The following RAI14 variants were observed in gnomAD, a reference collection of about 807,000 sequenced individuals.
RAI14 encodes retinoic acid induced 14, also known as ankycorbin.
RAI14 carries 45 observed loss-of-function variants against 115.4 expected under a neutral mutation model. The ratio of observed to expected loss-of-function variants is 0.39; its 90% CI spans 0.31 to 0.50. The LOEUF (loss-of-function observed/expected upper bound fraction) is 0.50. Among genes scored for constraint, RAI14 ranks in the 20% least tolerant of loss-of-function variants. RAI14 has a pLI of 0.85. For missense variants in RAI14, 939 were observed against 1,131.2 expected, an observed-to-expected ratio of 0.83 and a Z score of 2.44; for synonymous variants, 371 against 415.4, an observed-to-expected ratio of 0.89 and a Z score of 1.30.
At chr5:34,681,474 T>G (rs144289750) in intron 1 of RAI14, among the ~76,000 whole-genome samples, 1 of 152,244 alleles carries the variant, frequency 6.6e-6, no homozygotes, top group African/African-American at 2.4e-5. Context: ...GTAGATGTAT[T>G]CCTATATTCC....
intron 2 of RAI14, among the ~76,000 whole-genome samples, chr5:34,713,409 C>T (rs1349414998): frequency 6.6e-6 from 1 of 152,122 alleles, no homozygotes; most frequent in Non-Finnish European, 1.5e-5. Context: ...TGGGCTGAAG[C>T]TATCCTCCTA....
At chr5:34,788,939 A>G (rs1396679065) in intron 3 of RAI14, among the ~76,000 whole-genome samples, 1 of 152,246 alleles carries the variant, frequency 6.6e-6, no homozygotes, top group African/African-American at 2.4e-5. Flanking sequence ...ACTATACTCT[A>G]GCCTGGGCGA....
intron 2 of RAI14, among the ~76,000 whole-genome samples, chr5:34,723,886 G>A (rs1743118297): frequency 6.6e-6 from 1 of 152,104 alleles, no homozygotes; most frequent in African/African-American, 2.4e-5. Context: ...ATTTACATAT[G>A]CTTCAAAATT....
At chr5:34,768,475 A>G (rs1749713977) in intron 3 of RAI14, among the ~76,000 whole-genome samples, 1 of 152,142 alleles carries the variant, frequency 6.6e-6, no homozygotes, top group South Asian at 2.1e-4. Context: ...GATGCTCTCA[A>G]TCACCCTGAA....
At chr5:34,787,399 T>C (rs1281814948) in intron 3 of RAI14, among the ~76,000 whole-genome samples, 1 of 152,174 alleles carries the variant, frequency 6.6e-6, no homozygotes, top group Admixed American at 6.5e-5. Context: ...TCCATACAAT[T>C]TATTATTAAG....
chr5:34,764,410 A>G (rs1457258953), intron 3 of RAI14, among the ~76,000 whole-genome samples: 1 of 151,390 alleles, frequency 6.6e-6, no homozygotes, highest in Non-Finnish European at 1.5e-5. Flanking sequence ...GTTTGTCCAA[A>G]CAGAACCACT....
In RAI14 at chr5:34,752,737, G is replaced by GTATATATA. The variant is rs1188674461; in HGVS notation, c.37-4730_37-4729insATATATAT. Reference sequence around the variant, plus strand: ...TGTGTGTGTGTGTGTGTGTGTGTGTGTGTGTGTGTGTGTATATATATATAT... The same window carrying GTATATATA: ...TGTGTGTGTGTGTGTGTGTGTGTGTGTATATATATGTGTGTGTGTGTATATATATATAT... On this transcript the variant is annotated intron_variant, in intron 2 of 17. Transcript: ENST00000265109. 9.1e-3 allele frequency among the ~76,000 whole-genome samples: 924 copies of GTATATATA among 101,270 alleles called. 44 individuals are homozygous for GTATATATA. The highest frequency in any genetic ancestry group is 0.014 in the Non-Finnish European group (697 of 48,348). 66.4% of individuals were successfully genotyped at this position (101,270 alleles called of 152,430 possible).
chr5:34,657,945 T>C (rs1200681443), intron 1 of RAI14, among the ~76,000 whole-genome samples: 3 of 152,140 alleles, frequency 2.0e-5, no homozygotes, highest in Non-Finnish European at 4.4e-5. Context: ...TAATGATGCC[T>C]AACAAGTGTG....
At chr5:34,742,125 G>A (rs889404159) in intron 2 of RAI14, among the ~76,000 whole-genome samples, 11 of 152,158 alleles carry the variant, frequency 7.2e-5, no homozygotes, top group African/African-American at 2.7e-4. Context: ...CTGGGGAGGT[G>A]GAGGGAGAAA....
chr5:34,662,718 CAG>C (rs1488941989), intron 1 of RAI14, among the ~76,000 whole-genome samples: 2 of 93,290 alleles, frequency 2.1e-5, no homozygotes, highest in Admixed American at 1.4e-4. Flanking sequence ...ACAATTTAAA[CAG>C]ATTTTTTTTT....
At chr5:34,690,847 G>T (rs1738502480) in intron 2 of RAI14, among the ~76,000 whole-genome samples, 1 of 152,110 alleles carries the variant, frequency 6.6e-6, no homozygotes, top group South Asian at 2.1e-4. Context: ...TTAGATAGTA[G>T]ATAGGATACA....
intron 2 of RAI14, among the ~76,000 whole-genome samples, chr5:34,741,695 T>TG (rs1285947124): frequency 1.3e-5 from 2 of 152,102 alleles, no homozygotes; most frequent in Non-Finnish European, 2.9e-5. Flanking sequence ...AAGCCTTGAA[T>TG]GGGGGCATGG....
intron 2 of RAI14, among the ~76,000 whole-genome samples, chr5:34,734,252 G>C (rs1049511219): frequency 3.3e-5 from 5 of 152,220 alleles, no homozygotes; most frequent in East Asian, 1.9e-4. Flanking sequence ...GAACTGGGGG[G>C]GCTGGGGTGC....
Position 34,814,628 on chromosome 5 carries a change from T to A in RAI14, c.898T>A (p.Ser300Thr). The A allele has an allele frequency of 6.2e-7, 1 of 1,613,736 alleles. No individual in the cohort carries two copies. Among genetic ancestry groups the A allele is most frequent in the Non-Finnish European group, 8.5e-7 (1 of 1,179,694 alleles). ...AAGATCAATAACTTCGACTCCACTA[T>A]CGGGAAAGGAATCGGTATTTTTTGC... ...SPRSITSTPL[S>T]GKESVFFAEP... is the part of the protein sequence containing the mutation. Residue 300 changes from serine (S) to threonine (T), a missense_variant, in exon 12 of 18, where the codon TCG (serine) becomes ACG (threonine). Ser to Thr is a moderately conservative substitution (Grantham distance 58, BLOSUM62 1). Transcript: ENST00000265109.
At chr5:34,733,215 A>C (rs1744418749) in intron 2 of RAI14, 1 of 152,198 alleles carries the variant, frequency 6.6e-6, no homozygotes, top group Admixed American at 6.5e-5. Flanking sequence ...CTGGAATTTA[A>C]CTTCCCAGAG....
At chr5:34,777,117 GA>G (rs1330210498) in intron 3 of RAI14, among the ~76,000 whole-genome samples, 25 of 152,056 alleles carry the variant, frequency 1.6e-4, no homozygotes, top group African/African-American at 6.0e-4. Flanking sequence ...CATGAGCCAA[GA>G]TTGCACCATT....
At chr5:34,820,058 C>T (rs1420179767) in intron 13 of RAI14, among the ~76,000 whole-genome samples, 2 of 152,132 alleles carry the variant, frequency 1.3e-5, no homozygotes, top group Non-Finnish European at 2.9e-5. Flanking sequence ...TAGTTCATTC[C>T]ACACTCACCA....
Position 34,672,455 on chromosome 5 carries a change from G to A in RAI14, c.-48-14417G>A, listed in dbSNP as rs781520690. On this transcript the variant is annotated intron_variant, in intron 1 of 17. Transcript: ENST00000265109. ...ATTCCCCATCCTTCATGTTAGTGCT[G>A]TTTGCTTTTTATGCCTGCACACAGA... Among the ~76,000 whole-genome samples, 7 of 152,252 alleles carry A rather than the reference G, an allele frequency of 4.6e-5. No individual in the cohort carries two copies. In the Middle Eastern group the frequency reaches 0.01, roughly 222 times the overall value.
At chr5:34,696,294 C>T (rs182282488) in intron 2 of RAI14, among the ~76,000 whole-genome samples, 97 of 152,190 alleles carry the variant, frequency 6.4e-4, no homozygotes, top group Middle Eastern at 3.4e-3. Flanking sequence ...CCTGCCACCA[C>T]GCCTGGCTCA....
Sources: gnomAD v4.1 joint callset for allele counts (sites outside exome capture counted in the v4.1 genomes callset) on GRCh38, gnomAD v4.1.1 for gene constraint, MANE v1.5 for transcripts, NCBI Gene and HGNC (gene_info 2026-07-23, HGNC 2026-07-21) for gene names.